The following KIF21A variants were observed in gnomAD, a reference collection of about 807,000 sequenced individuals.
KIF21A encodes the protein kinesin family member 21A.
In KIF21A, 114 loss-of-function variants were observed where a neutral mutation model predicts 202.9. The ratio of observed to expected loss-of-function variants is 0.56; its 90% CI spans 0.48 to 0.66. The LOEUF is 0.66. Ranked by LOEUF, KIF21A falls within the 30% of genes least tolerant of loss-of-function variation. KIF21A has a pLI of 0.00. For synonymous variants in KIF21A, 667 were observed against 670.8 expected, an observed-to-expected ratio of 0.99 and a Z score of 0.09; for missense variants, 1,677 against 1,994.9, an observed-to-expected ratio of 0.84 and a Z score of 3.04.
chr12:39,379,660 G>A (rs139279028), intron 1 of KIF21A, among the ~76,000 whole-genome samples: 24 of 152,240 alleles, frequency 1.6e-4, no homozygotes, highest in Middle Eastern at 3.4e-3. Flanking sequence ...TTAAGGGGAG[G>A]AGAGGAATGA....
intron 1 of KIF21A, among the ~76,000 whole-genome samples, chr12:39,382,514 T>A (rs1950676712): frequency 6.6e-6 from 1 of 152,148 alleles, no homozygotes; most frequent in African/African-American, 2.4e-5. Flanking sequence ...TGTCTTAATT[T>A]CTCCGGTCAA....
chr12:39,390,899 G>A (rs948786422), intron 1 of KIF21A, among the ~76,000 whole-genome samples: 1 of 152,272 alleles, frequency 6.6e-6, no homozygotes. Flanking sequence ...AGACAGTTAA[G>A]TGCCAGAGAG....
At chr12:39,358,894 C>G (rs921458643) in intron 7 of KIF21A, among the ~76,000 whole-genome samples, 1 of 152,140 alleles carries the variant, frequency 6.6e-6, no homozygotes, top group Admixed American at 6.5e-5. Flanking sequence ...ATTACAGTTT[C>G]TGGCCAGATT....
At position 39,309,613 on chromosome 12, in the gene KIF21A, T is replaced by C; in HGVS notation, c.4250A>G (p.Asp1417Gly). The C allele has an allele frequency of 6.2e-7, 1 of 1,612,542 alleles. No individual in the cohort carries two copies. Among genetic ancestry groups the C allele is most frequent in the Admixed American group, 1.7e-5 (1 of 59,984 alleles). The change falls in exon 33 of 38, where the codon GAT becomes GGT. Residue 1417 changes from aspartate to glycine, a missense_variant. Physicochemically the swap from Asp to Gly is moderately conservative, Grantham distance 94. This residue lies in a region of KIF21A where 705 missense variants were observed against 791.9 expected (regional missense o/e 0.89). Transcript: ENST00000361418. ...TSYIKVWDIR[D>G]SAKCIRTLTS... ...TAGTGTTCGAATGCACTTTGCTGAA[T>C]CTCTGATATCCCACACCTTAATATA...
intron 1 of KIF21A, among the ~76,000 whole-genome samples, chr12:39,429,630 G>A (rs187653018): frequency 2.8e-4 from 42 of 152,170 alleles, no homozygotes; most frequent in African/African-American, 9.6e-4. Flanking sequence ...TTCTCATAAC[G>A]ATCCTATTAT....
At chr12:39,404,859 C>T (rs968701547) in intron 1 of KIF21A, among the ~76,000 whole-genome samples, 1 of 152,104 alleles carries the variant, frequency 6.6e-6, no homozygotes, top group Non-Finnish European at 1.5e-5. Flanking sequence ...TACCTTCATA[C>T]TATTTCAGCA....
intron 1 of KIF21A, among the ~76,000 whole-genome samples, chr12:39,400,914 C>A (rs1170960038): frequency 6.6e-6 from 1 of 152,172 alleles, no homozygotes; most frequent in Non-Finnish European, 1.5e-5. Flanking sequence ...AGAAAACCAT[C>A]TTCTGCTCAG....
intron 31 of KIF21A, 200 bp from the exon 32 acceptor site, chr12:39,311,753 T>C: frequency 1.7e-6 from 1 of 587,146 alleles, no homozygotes; most frequent in Non-Finnish European, 3.0e-6. Flanking sequence ...TAATCAGGCA[T>C]CTGCTAACAG....
In KIF21A at chr12:39,364,747, C is replaced by T. The variant is rs541242020; in HGVS notation, c.904-1534G>A. 2.6e-5 allele frequency among the ~76,000 whole-genome samples: 4 copies of T among 152,214 alleles called. No individual in the cohort carries two copies. The South Asian group carries it at 6.2e-4, about 24-fold the overall frequency. On this transcript the variant is annotated intron_variant, in intron 6 of 37. Transcript: ENST00000361418. ...ATCTTGCCTTTAATCTCTAAATTGCCCTTGTTCATTCCTATGCTGAGCTAA... is the reference window on the plus strand; with the variant it reads ...ATCTTGCCTTTAATCTCTAAATTGCTCTTGTTCATTCCTATGCTGAGCTAA...
Position 39,318,291 on chromosome 12 carries a change from G to A in KIF21A, c.3780-90C>T, listed in dbSNP as rs1210633958. 2.4e-6 allele frequency: 3 copies of A among 1,268,420 alleles called. No homozygotes were observed. In the East Asian group the frequency reaches 7.4e-5, roughly 31 times the overall value. 78.6% of individuals were successfully genotyped at this position (1,268,420 alleles called of 1,614,324 possible). ...AAGAAACATGCTCTTTTAAAAAAAA[G>A]CTTTTTATTAGAGAACTCCTTCTTT... On this transcript the variant is annotated intron_variant, in intron 28 of 37. Transcript: ENST00000361418.
chr12:39,342,166 G>GA, intron 12 of KIF21A, 42 bp from the exon 13 acceptor site: 1 of 1,368,412 alleles, frequency 7.3e-7, no homozygotes, highest in Non-Finnish European at 1.0e-6. Flanking sequence ...AAATAGAAAG[G>GA]AAAATTATTC....
intron 26 of KIF21A, 137 bp from the exon 27 acceptor site, chr12:39,323,019 G>T: frequency 1.9e-6 from 1 of 533,018 alleles, no homozygotes; most frequent in South Asian, 4.4e-5. Context: ...AACATAGCAT[G>T]TGAGATAGTG....
chr12:39,341,450 T>C, intron 14 of KIF21A, 55 bp downstream of exon 14: 6 of 1,540,488 alleles, frequency 3.9e-6, no homozygotes, highest in East Asian at 2.2e-5. Flanking sequence ...TTTTCTGTCA[T>C]GGTTTAAACA....
intron 1 of KIF21A, among the ~76,000 whole-genome samples, chr12:39,423,603 C>CT (rs767014963): frequency 5.3e-5 from 8 of 151,516 alleles, no homozygotes; most frequent in Admixed American, 1.3e-4. Context: ...AGTCTCAGCA[C>CT]TTTGGGAGGC....
In KIF21A at chr12:39,409,824, G is replaced by A. The variant is rs570374261; in HGVS notation, c.44+33103C>T. Among the ~76,000 whole-genome samples, 168 of 150,536 alleles carry A rather than the reference G, an allele frequency of 1.1e-3. 1 individual carries two copies. Among genetic ancestry groups the A allele is most frequent in the African/African-American group, 3.8e-3 (156 of 41,064 alleles). On this transcript the variant is annotated intron_variant, in intron 1 of 37. Transcript: ENST00000361418. ...GTGAATCTGGAAATAGAGAAAAATC[G>A]AAGAAGCTGGCTTTTTTTTTTTTTT...
intron 1 of KIF21A, among the ~76,000 whole-genome samples, chr12:39,441,892 TC>T (rs1939693538): frequency 6.6e-6 from 1 of 151,692 alleles, no homozygotes; most frequent in Admixed American, 6.6e-5. Context: ...ATTTTTATAA[TC>T]CTTAAAGCAT....
intron 7 of KIF21A, among the ~76,000 whole-genome samples, chr12:39,362,337 T>G (rs1187424655): frequency 1.3e-5 from 2 of 152,246 alleles, no homozygotes; most frequent in Non-Finnish European, 1.5e-5. Context: ...TAGCATCTAA[T>G]AATCTTTTCA....
At chr12:39,360,654 G>C (rs770822457) in intron 7 of KIF21A, among the ~76,000 whole-genome samples, 57 of 150,246 alleles carry the variant, frequency 3.8e-4, no homozygotes, top group Non-Finnish European at 7.4e-4. Context: ...AGGCCTCAAA[G>C]TACTGGGATT....
At chr12:39,330,393 A>G (rs1946409774) in intron 23 of KIF21A, 131 bp from the exon 24 acceptor site, 4 of 811,326 alleles carry the variant, frequency 4.9e-6, no homozygotes, top group South Asian at 1.6e-5. Context: ...GCAAACACTT[A>G]TAAGTTTATT....
Sources: allele counts gnomAD v4.1 joint callset (sites outside exome capture counted in the v4.1 genomes callset), GRCh38; gene constraint gnomAD v4.1.1; regional missense constraint gnomAD v4.1.1; transcripts MANE v1.5; gene names NCBI Gene and HGNC (gene_info 2026-07-23, HGNC 2026-07-21).